Variants in ZNF618 observed in about 807,000 individuals in gnomAD.
The protein encoded by ZNF618 is zinc finger protein 618, also known as neural precursor cell expressed, developmentally down-regulated 10.
In ZNF618, 34 loss-of-function variants were observed where a neutral mutation model predicts 103.0. The observed-to-expected ratio is 0.33, with a 90% CI of 0.25 to 0.44. ZNF618 has a LOEUF of 0.44. ZNF618 is among the 20% of genes least tolerant of loss of function. ZNF618 has a pLI of 1.00. For missense variants in ZNF618, 1,059 were observed against 1,295.4 expected, an observed-to-expected ratio of 0.82 and a Z score of 2.80; for synonymous variants, 551 against 542.2, an observed-to-expected ratio of 1.02 and a Z score of -0.23.
intron 1 of ZNF618, among the ~76,000 whole-genome samples, chr9:113,906,543 A>T (rs924768519): frequency 1.3e-5 from 2 of 152,194 alleles, no homozygotes; most frequent in Non-Finnish European, 2.9e-5. Context: ...TACTGAACCT[A>T]CAAATGCCAC....
chr9:114,032,652 C>T lies in ZNF618; in HGVS notation c.1092C>T (p.Ser364=), dbSNP rs748549868. The T allele has an allele frequency of 1.1e-5, 18 of 1,613,882 alleles. No individual in the cohort carries two copies. The highest frequency in any genetic ancestry group is 1.6e-4 in the Middle Eastern group (1 of 6,084). The part of the protein sequence containing the change: ...SPASKATAAE[S]AFSRRVEGKA... Reference sequence around the variant, plus strand: ...CTCCTGTCCCCCACCCAGCAGAAAGCGCTTTCAGTCGGAGAGTAGAAGGCA... The same window carrying T: ...CTCCTGTCCCCCACCCAGCAGAAAGTGCTTTCAGTCGGAGAGTAGAAGGCA... Residue 364 remains serine (S), a synonymous_variant, in exon 12 of 15, where the codon AGC becomes AGT. Coordinates refer to ENST00000374126, the MANE Select transcript of ZNF618 (RefSeq NM_001318042.2).
At chr9:114,002,707 TG>T in intron 6 of ZNF618, 45 bp downstream of exon 6, 1 of 1,601,634 alleles carries the variant, frequency 6.2e-7, no homozygotes. Context: ...GGCGAGGGCT[TG>T]GGGTGGGATG....
chr9:113,964,498 A>C (rs1047214280), intron 1 of ZNF618, among the ~76,000 whole-genome samples: 5 of 152,040 alleles, frequency 3.3e-5, no homozygotes, highest in African/African-American at 1.2e-4. Flanking sequence ...TTCCCGGGCA[A>C]TGAAGGGAGG....
chr9:114,022,525 G>A (rs7041360), intron 10 of ZNF618, among the ~76,000 whole-genome samples: 99,007 of 147,888 alleles, frequency 0.67, 34,128 homozygotes, highest in Middle Eastern at 0.82. Flanking sequence ...GTATTTTCCA[G>A]TCTTCAAAAT....
chr9:113,911,688 A>T (rs993074539), intron 1 of ZNF618, among the ~76,000 whole-genome samples: 6 of 152,158 alleles, frequency 3.9e-5, no homozygotes, highest in East Asian at 1.9e-4. Context: ...TGATTTTTTT[A>T]AAAAAGCTCA....
At chr9:113,920,343 T>C (rs1232258239) in intron 1 of ZNF618, among the ~76,000 whole-genome samples, 1 of 151,990 alleles carries the variant, frequency 6.6e-6, no homozygotes, top group Non-Finnish European at 1.5e-5. Flanking sequence ...GCTGTAGTGC[T>C]TGGGAGAAGG....
chr9:113,918,337 C>T (rs1475846627), intron 1 of ZNF618, among the ~76,000 whole-genome samples: 1 of 152,146 alleles, frequency 6.6e-6, no homozygotes, highest in Non-Finnish European at 1.5e-5. Flanking sequence ...TAAAGTTACT[C>T]TTTTATTCTT....
At chr9:113,998,195 C>A in intron 3 of ZNF618, 64 bp from the exon 4 acceptor site, 2 of 1,478,726 alleles carry the variant, frequency 1.4e-6, no homozygotes, top group Non-Finnish European at 1.8e-6. Flanking sequence ...AACTTCGCCC[C>A]TTCCCTAACC....
chr9:113,888,441 C>T (rs912161825), intron 1 of ZNF618, among the ~76,000 whole-genome samples: 7 of 152,238 alleles, frequency 4.6e-5, no homozygotes, highest in Admixed American at 2.6e-4. Context: ...TTTAATACCA[C>T]GTTTGAAAAC....
chr9:113,998,299 GC>G lies in ZNF618; in HGVS notation c.379del (p.Arg127GlufsTer14). 3 of 1,550,604 alleles carry G rather than the reference GC, an allele frequency of 1.9e-6. No homozygotes were observed. Among genetic ancestry groups the G allele is most frequent in the Non-Finnish European group, 2.6e-6 (3 of 1,147,008 alleles). ...PEGSPHGGSV[R>X]SRYSGTWIFD... The stretch of plus-strand genomic sequence containing the variant: ...AAGGCAGCCCCCACGGTGGATCTGT[GC>G]GAAGCCGGTATTCAGGGACCTGGAT... On this transcript the variant is annotated frameshift_variant, in exon 4 of 15. Transcript: ENST00000374126. LOFTEE classifies it high-confidence loss of function.
chr9:113,965,218 C>G (rs1042774519), intron 1 of ZNF618, among the ~76,000 whole-genome samples: 4 of 152,078 alleles, frequency 2.6e-5, no homozygotes, highest in African/African-American at 9.7e-5. Context: ...CTGGAGCACA[C>G]GAATTGCCTG....
In ZNF618 at chr9:113,957,838, C is replaced by T. The variant is rs527513536; in HGVS notation, c.34-11279C>T. Reference sequence around the variant, plus strand: ...TTTTTTTACCCCCAACCCCCACTTCCTGCTGATCTGAAGTGAATATTTATC... The same window carrying T: ...TTTTTTTACCCCCAACCCCCACTTCTTGCTGATCTGAAGTGAATATTTATC... On this transcript the variant is annotated intron_variant, in intron 1 of 14. Coordinates refer to ENST00000374126, the MANE Select transcript of ZNF618 (RefSeq NM_001318042.2). Among the ~76,000 whole-genome samples the T allele has an allele frequency of 5.8e-4, 87 of 151,228 alleles. 1 individual carries two copies. The highest frequency in any genetic ancestry group is 5.0e-3 in the South Asian group (24 of 4,790).
chr9:113,884,244 G>C (rs1432488000), intron 1 of ZNF618, among the ~76,000 whole-genome samples: 1 of 152,162 alleles, frequency 6.6e-6, no homozygotes, highest in Non-Finnish European at 1.5e-5. Flanking sequence ...CATTTCCAAG[G>C]GTAGAATGAG....
chr9:113,975,686 T>A (rs1175167233), intron 2 of ZNF618, among the ~76,000 whole-genome samples: 1 of 151,968 alleles, frequency 6.6e-6, no homozygotes, highest in Non-Finnish European at 1.5e-5. Context: ...CTGAAAAAAA[T>A]AAATTAAAAA....
At chr9:113,911,569 T>TCCGC (rs1831552483) in intron 1 of ZNF618, among the ~76,000 whole-genome samples, 1 of 152,112 alleles carries the variant, frequency 6.6e-6, no homozygotes, top group South Asian at 2.1e-4. Context: ...CCTCAGGTGA[T>TCCGC]CCGCCCGCCT....
At chr9:113,877,665 T>G (rs79810793) in intron 1 of ZNF618, among the ~76,000 whole-genome samples, 6,790 of 152,054 alleles carry the variant, frequency 0.045, 182 homozygotes, top group South Asian at 0.1. Context: ...GTGTGTGTGT[T>G]TTTTTTGTTT....
At chr9:114,036,939 A>G (rs1485331395) in intron 13 of ZNF618, among the ~76,000 whole-genome samples, 1 of 152,198 alleles carries the variant, frequency 6.6e-6, no homozygotes, top group Non-Finnish European at 1.5e-5. Context: ...CTGATTCTGT[A>G]GGTCTGCAGA....
chr9:113,880,443 T>C (rs75961330), intron 1 of ZNF618, among the ~76,000 whole-genome samples: 3,809 of 152,252 alleles, frequency 0.025, 178 homozygotes, highest in African/African-American at 0.087. Context: ...TCCAAGGAAT[T>C]GGTTATGGCT....
chr9:113,937,493 A>T (rs1834133284), intron 1 of ZNF618, among the ~76,000 whole-genome samples: 1 of 152,224 alleles, frequency 6.6e-6, no homozygotes, highest in Admixed American at 6.5e-5. Context: ...AGGAAAAGAA[A>T]ACCCTGGATT....
Sources: allele counts gnomAD v4.1 joint callset (sites outside exome capture counted in the v4.1 genomes callset), GRCh38; gene constraint gnomAD v4.1.1; transcripts MANE v1.5; gene names NCBI Gene and HGNC (gene_info 2026-07-23, HGNC 2026-07-21).